Variants in TMEM132C observed in about 807,000 individuals in gnomAD.
The protein encoded by TMEM132C is protein phosphatase 1, regulatory subunit 152.
A neutral mutation model predicts 61.4 loss-of-function variants in TMEM132C; 29 were observed. That is an observed-to-expected ratio of 0.47 (90% confidence interval 0.35 to 0.64). The LOEUF is 0.64. Among genes scored for constraint, TMEM132C ranks in the 30% least tolerant of loss-of-function variants. The pLI is 0.00. For synonymous variants in TMEM132C, 656 were observed against 633.1 expected, an observed-to-expected ratio of 1.04 and a Z score of -0.54; for missense variants, 1,408 against 1,476.9, an observed-to-expected ratio of 0.95 and a Z score of 0.76.
chr12:128,542,681 G>C lies in TMEM132C; in HGVS notation c.975-1276G>C, dbSNP rs532079107. On this transcript the variant is annotated intron_variant, in intron 2 of 8. Coordinates refer to ENST00000435159, the MANE Select transcript of TMEM132C (RefSeq NM_001136103.3). ...TTGAGACCATCCTGGCCAGCATGGTGAAACCCAATCTCTACTAAAATACAA... is the reference window on the plus strand; with the variant it reads ...TTGAGACCATCCTGGCCAGCATGGTCAAACCCAATCTCTACTAAAATACAA... Among the ~76,000 whole-genome samples the C allele has an allele frequency of 5.9e-5, 9 of 151,276 alleles. No homozygotes were observed. In the East Asian group the frequency reaches 1.8e-3, roughly 30 times the overall value.
intron 2 of TMEM132C, among the ~76,000 whole-genome samples, chr12:128,520,903 G>C (rs1391431970): frequency 6.6e-6 from 1 of 152,080 alleles, no homozygotes; most frequent in Non-Finnish European, 1.5e-5. Context: ...CTCCCATGTT[G>C]TGTGTTTGTT....
chr12:128,697,896 T>C (rs890504524), intron 8 of TMEM132C, among the ~76,000 whole-genome samples: 2 of 152,206 alleles, frequency 1.3e-5, no homozygotes, highest in African/African-American at 4.8e-5. Flanking sequence ...GGTTTTGCAA[T>C]TGCTGTTGCT....
intron 1 of TMEM132C, among the ~76,000 whole-genome samples, chr12:128,307,909 G>T (rs1214688178): frequency 6.6e-6 from 1 of 152,182 alleles, no homozygotes; most frequent in African/African-American, 2.4e-5. Context: ...TAGGGGAGCT[G>T]CCCCTCCCTG....
intron 2 of TMEM132C, among the ~76,000 whole-genome samples, chr12:128,488,149 A>G (rs931214188): frequency 6.6e-6 from 1 of 152,136 alleles, no homozygotes; most frequent in African/African-American, 2.4e-5. Context: ...GGCTGGAAAA[A>G]TTTATCAGAT....
At chr12:128,293,779 G>A (rs966264313) in intron 1 of TMEM132C, among the ~76,000 whole-genome samples, 3 of 152,072 alleles carry the variant, frequency 2.0e-5, no homozygotes, top group African/African-American at 4.8e-5. Flanking sequence ...AGCCTCCTCT[G>A]AACAAACTGG....
At position 128,286,643 on chromosome 12, in the gene TMEM132C, T is replaced by G. The variant is rs144569669; in HGVS notation, c.85+19156T>G. Among the ~76,000 whole-genome samples, 792 of 152,362 alleles carry G rather than the reference T, an allele frequency of 5.2e-3. 6 individuals are homozygous for G. The highest frequency in any genetic ancestry group is 0.018 in the African/African-American group (762 of 41,584). On this transcript the variant is annotated intron_variant, in intron 1 of 8. Transcript: ENST00000435159. ...TAGGTTATGACCTCAGGACCATTTT[T>G]CATTTCTGCCTTTGACCACTGAACT...
At chr12:128,627,549 G>T (rs1383476739) in intron 4 of TMEM132C, among the ~76,000 whole-genome samples, 1 of 152,120 alleles carries the variant, frequency 6.6e-6, no homozygotes, top group Non-Finnish European at 1.5e-5. Flanking sequence ...ACTCCCTGGG[G>T]GACTGGTGAG....
intron 1 of TMEM132C, among the ~76,000 whole-genome samples, chr12:128,286,333 A>G (rs74990022): frequency 0.059 from 9,009 of 152,122 alleles, 866 homozygotes; most frequent in African/African-American, 0.2. Context: ...TACAAACTCA[A>G]ATGCCTCCAG....
intron 2 of TMEM132C, among the ~76,000 whole-genome samples, chr12:128,535,154 G>C (rs1873475183): frequency 6.6e-6 from 1 of 152,282 alleles, no homozygotes; most frequent in Non-Finnish European, 1.5e-5. Flanking sequence ...GGTGTTCAGA[G>C]TAGCACGTGT....
At chr12:128,276,745 G>A (rs1405966000) in intron 1 of TMEM132C, among the ~76,000 whole-genome samples, 1 of 152,202 alleles carries the variant, frequency 6.6e-6, no homozygotes, top group African/African-American at 2.4e-5. Flanking sequence ...CTGTAGAAAT[G>A]TGGATCAAAT....
intron 1 of TMEM132C, among the ~76,000 whole-genome samples, chr12:128,366,174 G>T (rs1028560326): frequency 6.6e-6 from 1 of 152,210 alleles, no homozygotes. Flanking sequence ...GGTGCTGTGC[G>T]TCGCTGCCTG....
intron 5 of TMEM132C, among the ~76,000 whole-genome samples, chr12:128,673,192 G>T (rs1396709828): frequency 6.6e-6 from 1 of 152,224 alleles, no homozygotes; most frequent in Non-Finnish European, 1.5e-5. Flanking sequence ...ATTAGAGGTA[G>T]GGCCTTTAGG....
At chr12:128,609,125 A>G (rs1382799268) in intron 3 of TMEM132C, among the ~76,000 whole-genome samples, 7 of 129,848 alleles carry the variant, frequency 5.4e-5, no homozygotes, top group Non-Finnish European at 8.0e-5. Context: ...TGTAACCTCC[A>G]CCTCCCTGCA....
chr12:128,364,420 G>A (rs79228035), intron 1 of TMEM132C, among the ~76,000 whole-genome samples: 17,065 of 151,588 alleles, frequency 0.11, 1,119 homozygotes, highest in East Asian at 0.31. Flanking sequence ...TCCGTCCCTC[G>A]GGGGACCCGT....
intron 1 of TMEM132C, among the ~76,000 whole-genome samples, chr12:128,325,712 T>C (rs1007481269): frequency 4.6e-5 from 7 of 152,216 alleles, no homozygotes; most frequent in African/African-American, 1.7e-4. Flanking sequence ...ATATCGTGGC[T>C]GTTTCCAGTT....
intron 2 of TMEM132C, among the ~76,000 whole-genome samples, chr12:128,482,609 CT>C (rs936390292): frequency 6.6e-6 from 1 of 151,934 alleles, no homozygotes; most frequent in African/African-American, 2.4e-5. Flanking sequence ...TGGTTCTGGG[CT>C]TTTTTTGGTT....
intron 3 of TMEM132C, among the ~76,000 whole-genome samples, chr12:128,611,575 C>G (rs1876637913): frequency 6.6e-6 from 1 of 152,136 alleles, no homozygotes; most frequent in South Asian, 2.1e-4. Context: ...TCACCACATG[C>G]ATCATTTTTG....
At chr12:128,427,012 G>C (rs1869209017) in intron 2 of TMEM132C, among the ~76,000 whole-genome samples, 1 of 152,158 alleles carries the variant, frequency 6.6e-6, no homozygotes, top group African/African-American at 2.4e-5. Context: ...TTGTGTGGAG[G>C]AGAGGCAGGA....
At chr12:128,300,909 T>C (rs1199212455) in intron 1 of TMEM132C, among the ~76,000 whole-genome samples, 1 of 152,126 alleles carries the variant, frequency 6.6e-6, no homozygotes, top group Non-Finnish European at 1.5e-5. Flanking sequence ...GACATGGTCA[T>C]GTATGCCTGT....
Sources: gnomAD v4.1 joint callset for allele counts (sites outside exome capture counted in the v4.1 genomes callset) on GRCh38, gnomAD v4.1.1 for gene constraint, MANE v1.5 for transcripts, NCBI Gene and HGNC (gene_info 2026-07-23, HGNC 2026-07-21) for gene names.